The following EFEMP1 variants were observed in gnomAD, a reference collection of about 807,000 sequenced individuals.
EFEMP1 encodes EGF-like fibulin extracellular matrix protein 1.
Under a neutral mutation model 65.7 loss-of-function variants are expected in EFEMP1, and 18 were observed. The observed-to-expected ratio is 0.27, with a 90% CI of 0.19 to 0.41. The LOEUF is 0.41. Ranked by LOEUF, EFEMP1 falls within the 10% of genes least tolerant of loss-of-function variation. EFEMP1 has a pLI of 1.00. For missense variants in EFEMP1, 469 were observed against 624.8 expected (o/e 0.75, Z 2.66); for synonymous variants, 237 against 219.7 (o/e 1.08, Z -0.70).
chr2:55,889,499 C>T lies in EFEMP1; in HGVS notation c.518-7765G>A, dbSNP rs566811088. On this transcript the variant is annotated intron_variant, in intron 5 of 11. Transcript: ENST00000355426. ...AATGTTTCTCCATATGCCTCAGGGC[C>T]CTTATTTGCACTAAATTCTTTTTTC... is the stretch of plus-strand genomic sequence containing the variant. 6.6e-5 allele frequency among the ~76,000 whole-genome samples: 10 copies of T among 152,152 alleles called. No homozygotes were observed. In the South Asian group the frequency reaches 1.9e-3, roughly 28 times the overall value.
chr2:55,904,747 T>C (rs1348945862), intron 5 of EFEMP1, among the ~76,000 whole-genome samples: 1 of 152,156 alleles, frequency 6.6e-6, no homozygotes, highest in East Asian at 1.9e-4. Context: ...TTAGACCAAA[T>C]TACACCACTG....
intron 9 of EFEMP1, among the ~76,000 whole-genome samples, chr2:55,874,726 T>A (rs1229456810): frequency 4.6e-5 from 7 of 152,038 alleles, no homozygotes; most frequent in African/African-American, 1.4e-4. Flanking sequence ...CAATATTTTA[T>A]TAAAATTATT....
chr2:55,910,582 G>A (rs1010170755), intron 5 of EFEMP1, among the ~76,000 whole-genome samples: 1 of 152,116 alleles, frequency 6.6e-6, no homozygotes, highest in African/African-American at 2.4e-5. Context: ...AATAAATAAT[G>A]AGCCAGTACC....
At chr2:55,901,880 T>C (rs1670051093) in intron 5 of EFEMP1, among the ~76,000 whole-genome samples, 1 of 152,202 alleles carries the variant, frequency 6.6e-6, no homozygotes, top group Admixed American at 6.5e-5. Flanking sequence ...TCTTGCCCCC[T>C]CACTTGCTAA....
rs1669438316 is a variant in EFEMP1 at position 55,886,847 on chromosome 2, C to G, written c.518-5113G>C. 6.6e-6 allele frequency among the ~76,000 whole-genome samples: 1 copy of G among 152,094 alleles called. No homozygotes were observed. The highest frequency in any genetic ancestry group is 2.4e-5 in the African/African-American group (1 of 41,414). ...ATTACTTCAGCAAGACCTGAGGGCA[C>G]TGAAGTTTACTACTGTTTTACTCAT... On this transcript the variant is annotated intron_variant, in intron 5 of 11. Coordinates refer to ENST00000355426, the MANE Select transcript of EFEMP1 (RefSeq NM_001039348.3). The surrounding 1 kb of genome is among the most constrained non-coding windows in gnomAD (Gnocchi z 4.0).
At chr2:55,918,477 C>A (rs945525896) in intron 3 of EFEMP1, among the ~76,000 whole-genome samples, 1 of 152,144 alleles carries the variant, frequency 6.6e-6, no homozygotes, top group Admixed American at 6.5e-5. Flanking sequence ...CATTCTCAAC[C>A]ATCAGCTGCC....
At chr2:55,913,509 C>T (rs527883604) in intron 5 of EFEMP1, among the ~76,000 whole-genome samples, 25 of 151,986 alleles carry the variant, frequency 1.6e-4, no homozygotes, top group African/African-American at 5.8e-4. Context: ...ATGCAAAATG[C>T]CATGTGTTTT....
chr2:55,895,034 G>A (rs913185971), intron 5 of EFEMP1, among the ~76,000 whole-genome samples: 2 of 152,212 alleles, frequency 1.3e-5, no homozygotes, highest in African/African-American at 4.8e-5. Flanking sequence ...ATGGTGTGAG[G>A]ACTGCCTTCT....
chr2:55,915,390 A>G (rs1670641474), intron 5 of EFEMP1, among the ~76,000 whole-genome samples: 1 of 152,248 alleles, frequency 6.6e-6, no homozygotes, highest in Non-Finnish European at 1.5e-5. Flanking sequence ...ATGTTTTACT[A>G]TGTGAAACGT....
At chr2:55,869,850 A>G (rs1418972040) in intron 11 of EFEMP1, among the ~76,000 whole-genome samples, 1 of 152,126 alleles carries the variant, frequency 6.6e-6, no homozygotes, top group African/African-American at 2.4e-5. Context: ...CGTATTTAAA[A>G]TATGTCCAAA....
chr2:55,889,824 T>TAAAAAAAAAAAAAAAAAAAAAAAAA (rs3048101), intron 5 of EFEMP1, among the ~76,000 whole-genome samples: 1 of 142,364 alleles, frequency 7.0e-6, no homozygotes, highest in African/African-American at 2.5e-5. Context: ...AAAGGAATGG[T>TAAAAAAAAAAAAAAAAAAAAAAAAA]AAAAAAAAAA....
At chr2:55,918,798 C>T (rs1408317796) in intron 3 of EFEMP1, among the ~76,000 whole-genome samples, 1 of 151,884 alleles carries the variant, frequency 6.6e-6, no homozygotes, top group Non-Finnish European at 1.5e-5. Flanking sequence ...CCTAGCAGTT[C>T]CCAGCTTCAA....
chr2:55,867,977 A>G lies in EFEMP1; in HGVS notation c.1321-743T>C, dbSNP rs1668648218. The stretch of plus-strand genomic sequence containing the variant: ...ATAGAGTCATGGATTAGTATTTAGC[A>G]GTCACCTCAATGGGTGGACATTAAA... On this transcript the variant is annotated intron_variant, in intron 11 of 11. Transcript: ENST00000355426. This position sits in a 1 kb window ranked among gnomAD's most constrained non-coding sequence, Gnocchi z 4.3. Among the ~76,000 whole-genome samples, 1 of 152,130 alleles carries G rather than the reference A, an allele frequency of 6.6e-6. No individual in the cohort carries two copies. The highest frequency in any genetic ancestry group is 1.5e-5 in the Non-Finnish European group (1 of 68,018).
intron 5 of EFEMP1, among the ~76,000 whole-genome samples, chr2:55,915,377 TA>T (rs1558488189): frequency 1.3e-5 from 2 of 152,206 alleles, no homozygotes; most frequent in Non-Finnish European, 2.9e-5. Flanking sequence ...GAAAGAACTA[TA>T]AATGTTTTAC....
chr2:55,922,307 T>C lies in EFEMP1; in HGVS notation c.81+53A>G. ...TGGCAGGGGTGTGTAAAGTCTTTTT[T>C]TGTCACAGAATCCCGCTGAACCGTA... On this transcript the variant is annotated intron_variant, in intron 3 of 11. Coordinates refer to ENST00000355426, the MANE Select transcript of EFEMP1 (RefSeq NM_001039348.3). This position sits in a 1 kb window ranked among gnomAD's most constrained non-coding sequence, Gnocchi z 5.5. 1 of 1,573,202 alleles carries C rather than the reference T, an allele frequency of 6.4e-7. No homozygotes were observed. The highest frequency in any genetic ancestry group is 8.7e-7 in the Non-Finnish European group (1 of 1,143,298).
intron 5 of EFEMP1, among the ~76,000 whole-genome samples, chr2:55,909,204 G>A (rs916816968): frequency 1.3e-5 from 2 of 152,108 alleles, no homozygotes; most frequent in African/African-American, 4.8e-5. Context: ...TTAAGTCTGA[G>A]TTCTCCTATG....
intron 5 of EFEMP1, among the ~76,000 whole-genome samples, chr2:55,916,107 A>AT (rs576215544): frequency 0.091 from 11,779 of 129,398 alleles, 954 homozygotes; most frequent in African/African-American, 0.2. Context: ...AGTTTCCTTC[A>AT]TTTTTTTTTT....
Position 55,881,647 on chromosome 2 carries a change from G to C in EFEMP1, c.605C>G (p.Pro202Arg), listed in dbSNP as rs1361664237. 1 of 1,613,792 alleles carries C rather than the reference G, an allele frequency of 6.2e-7. No homozygotes were observed. The highest frequency in any genetic ancestry group is 8.5e-7 in the Non-Finnish European group (1 of 1,179,930). ...CTCCCCTCGCTTCTGATATCCAGGAGGGCACTGACATGCAAAGGATCCCCG... is the reference window on the plus strand; with the variant it reads ...CTCCCCTCGCTTCTGATATCCAGGACGGCACTGACATGCAAAGGATCCCCG... ...NLRGSFACQC[P>R]PGYQKRGEQC... Residue 202 changes from proline (P) to arginine (R), a missense_variant, in exon 6 of 12, where the codon CCT becomes CGT. Physicochemically the swap from Pro to Arg is moderately radical, Grantham distance 103. Around this residue, in one of 3 missense-constraint regions of EFEMP1, gnomAD observed 399 missense variants for 528.2 expected, o/e 0.76. Transcript: ENST00000355426.
intron 5 of EFEMP1, among the ~76,000 whole-genome samples, chr2:55,882,283 CTGTT>C (rs1041798970): frequency 1.2e-4 from 18 of 152,036 alleles, no homozygotes; most frequent in Admixed American, 6.6e-5. Context: ...TTCCCTGTAG[CTGTT>C]TGTTTTTGCA....
Sources: allele counts gnomAD v4.1 joint callset (sites outside exome capture counted in the v4.1 genomes callset), GRCh38; gene constraint gnomAD v4.1.1; regional missense constraint gnomAD v4.1.1; non-coding constraint Gnocchi (gnomAD v3.1); transcripts MANE v1.5; gene names NCBI Gene and HGNC (gene_info 2026-07-23, HGNC 2026-07-21).